The following TBC1D8 variants were observed in gnomAD, a reference collection of about 807,000 sequenced individuals.
The protein encoded by TBC1D8 is TBC1 domain family member 8.
A neutral mutation model predicts 118.8 loss-of-function variants in TBC1D8; 65 were observed. The ratio of observed to expected loss-of-function variants is 0.55; its 90% CI spans 0.45 to 0.67. The LOEUF is 0.67. TBC1D8 is among the 30% of genes least tolerant of loss of function. The pLI is 0.00. For synonymous variants in TBC1D8, 566 were observed against 595.8 expected (o/e 0.95, Z 0.73); for missense variants, 1,376 against 1,471.2 (o/e 0.94, Z 1.06).
intron 5 of TBC1D8, among the ~76,000 whole-genome samples, chr2:101,041,621 G>A (rs1681389919): frequency 6.6e-6 from 1 of 152,028 alleles, no homozygotes; most frequent in Non-Finnish European, 1.5e-5. Context: ...ATTGATTGTG[G>A]TGATGGTTGC....
At chr2:101,076,064 C>G (rs577676189) in intron 2 of TBC1D8, among the ~76,000 whole-genome samples, 16 of 152,226 alleles carry the variant, frequency 1.1e-4, no homozygotes, top group South Asian at 6.2e-4. Context: ...CTTGTCATCA[C>G]TGCAGATGAC....
In TBC1D8 at chr2:101,032,258, G is replaced by T. The variant is rs769345718; in HGVS notation, c.1936+10C>A. 7 of 1,611,514 alleles carry T rather than the reference G, an allele frequency of 4.3e-6. No homozygotes were observed. The highest frequency in any genetic ancestry group is 1.7e-5 in the Admixed American group (1 of 59,962). On this transcript the variant is annotated intron_variant, in intron 11 of 19. Transcript: ENST00000409318. Reference sequence around the variant, plus strand: ...CCAGATACACAGGAGGAGGAAGGGGGTCTGTTTACCGATCACTCGGTGGTT... The same window carrying T: ...CCAGATACACAGGAGGAGGAAGGGGTTCTGTTTACCGATCACTCGGTGGTT...
intron 2 of TBC1D8, among the ~76,000 whole-genome samples, chr2:101,089,827 C>T (rs1675898643): frequency 6.6e-6 from 1 of 150,994 alleles, no homozygotes; most frequent in South Asian, 2.1e-4. Flanking sequence ...GATTCGTTAT[C>T]GACAATATAC....
At chr2:101,066,846 G>A (rs1401353128) in intron 2 of TBC1D8, among the ~76,000 whole-genome samples, 1 of 151,580 alleles carries the variant, frequency 6.6e-6, no homozygotes, top group Non-Finnish European at 1.5e-5. Flanking sequence ...TCGAGAGGCT[G>A]AGGCAGGAGA....
At position 101,122,383 on chromosome 2, in the gene TBC1D8, C is replaced by CAAAAAAA. The variant is rs70943064; in HGVS notation, c.127+28737_127+28743dup. On this transcript the variant is annotated intron_variant, in intron 1 of 19. Coordinates refer to ENST00000409318, the MANE Select transcript of TBC1D8 (RefSeq NM_001330348.2). ...ACCGCGCCCGGCCAAGACTCCATTT[C>CAAAAAAA]AAAAAAAAAAAAAAAAAAAAAAAAA... Among the ~76,000 whole-genome samples, 100 of 71,928 alleles carry CAAAAAAA rather than the reference C, an allele frequency of 1.4e-3. 8 individuals are homozygous for CAAAAAAA. The highest frequency in any genetic ancestry group is 3.5e-3 in the African/African-American group (80 of 22,566). 47.2% of individuals were successfully genotyped at this position (71,928 alleles called of 152,430 possible).
rs1355192724 is a variant in TBC1D8 at position 101,099,663 on chromosome 2, A to G, written c.128-9299T>C. Among the ~76,000 whole-genome samples the G allele has an allele frequency of 2.0e-5, 3 of 152,230 alleles. No individual in the cohort carries two copies. In the East Asian group the frequency reaches 5.8e-4, roughly 29 times the overall value. ...CAGCACAGCAAAAAACATATCCACC[A>G]TGATCAAGTCAGGTTCATCCCTGGG... is the stretch of plus-strand genomic sequence containing the variant. On this transcript the variant is annotated intron_variant, in intron 1 of 19. Coordinates refer to ENST00000409318, the MANE Select transcript of TBC1D8 (RefSeq NM_001330348.2).
At chr2:101,040,845 T>C (rs1322890739) in intron 5 of TBC1D8, among the ~76,000 whole-genome samples, 1 of 152,276 alleles carries the variant, frequency 6.6e-6, no homozygotes, top group Admixed American at 6.5e-5. Context: ...TGTCCTGTGC[T>C]GGTGCACGTG....
chr2:101,142,625 A>G (rs1679156408), intron 1 of TBC1D8, among the ~76,000 whole-genome samples: 1 of 152,254 alleles, frequency 6.6e-6, no homozygotes, highest in African/African-American at 2.4e-5. Flanking sequence ...TGAGAAAAAC[A>G]TAATGCAGGG....
Position 101,011,433 on chromosome 2 carries a change from A to T in TBC1D8, c.2917+18T>A. 6.2e-7 allele frequency: 1 copy of T among 1,613,648 alleles called. No individual in the cohort carries two copies. Among genetic ancestry groups the T allele is most frequent in the Non-Finnish European group, 8.5e-7 (1 of 1,179,564 alleles). On this transcript the variant is annotated intron_variant, in intron 18 of 19. Transcript: ENST00000409318. The stretch of plus-strand genomic sequence containing the variant: ...CAGTGGTATGCAGGGGAAAGCAACA[A>T]TGAAAAGAGGTACGTGCCATTGGGT...
At chr2:101,103,084 T>C (rs1010006939) in intron 1 of TBC1D8, among the ~76,000 whole-genome samples, 10 of 151,978 alleles carry the variant, frequency 6.6e-5, no homozygotes, top group Admixed American at 2.0e-4. Context: ...TACAGACTAA[T>C]AGCTCTCAAG....
At chr2:101,058,364 C>T (rs542660218) in intron 3 of TBC1D8, among the ~76,000 whole-genome samples, 44 of 152,232 alleles carry the variant, frequency 2.9e-4, no homozygotes, top group Non-Finnish European at 4.6e-4. Flanking sequence ...TAGCACTTGA[C>T]GTATTAGAAA....
chr2:101,043,253 C>A (rs1314506730), intron 5 of TBC1D8, among the ~76,000 whole-genome samples: 2 of 152,166 alleles, frequency 1.3e-5, no homozygotes, highest in South Asian at 4.2e-4. Flanking sequence ...AGGAAAAGCA[C>A]CATAAACGCT....
Position 101,040,245 on chromosome 2 carries a change from G to C in TBC1D8, c.1013C>G (p.Ser338Cys), listed in dbSNP as rs775198232. The C allele has an allele frequency of 6.2e-6, 10 of 1,614,046 alleles. No homozygotes were observed. Among genetic ancestry groups the C allele is most frequent in the Non-Finnish European group, 8.5e-6 (10 of 1,179,902 alleles). ...GCTGGCAAAGCAGATGTAGCTGTCA[G>C]AGGCGAACATCCGCCCCGTGGTGTG... is the stretch of plus-strand genomic sequence containing the variant. ...RCHTTGRMFASDSYICFASRE... is the reference protein window; with the variant it reads ...RCHTTGRMFACDSYICFASRE... Residue 338 changes from serine (S) to cysteine (C), a missense_variant, in exon 6 of 20, where the codon TCT (serine) becomes TGT (cysteine). Coordinates refer to ENST00000409318, the MANE Select transcript of TBC1D8 (RefSeq NM_001330348.2).
In TBC1D8 at chr2:101,089,778, A is replaced by G. The variant is rs142656770; in HGVS notation, c.283+431T>C. The stretch of plus-strand genomic sequence containing the variant: ...ATTATGTGTATGCATCCAGGAGCAC[A>G]TTGGTAAGTCAGAAACAAGATTAAG... On this transcript the variant is annotated intron_variant, in intron 2 of 19. Coordinates refer to ENST00000409318, the MANE Select transcript of TBC1D8 (RefSeq NM_001330348.2). Among the ~76,000 whole-genome samples the G allele has an allele frequency of 8.0e-3, 1,218 of 152,236 alleles. 19 individuals are homozygous for G. Among genetic ancestry groups the G allele is most frequent in the African/African-American group, 0.027 (1,132 of 41,546 alleles).
chr2:101,054,386 G>T (rs1304541695), intron 3 of TBC1D8, 50 bp from the exon 4 acceptor site: 24 of 1,537,576 alleles, frequency 1.6e-5, no homozygotes. Context: ...CAATGGGAAG[G>T]CAGGGGGTGC....
Position 101,007,610 on chromosome 2 carries a change from C to A in TBC1D8, c.*211G>T. 1 of 559,744 alleles carries A rather than the reference C, an allele frequency of 1.8e-6. No individual in the cohort carries two copies. The highest frequency in any genetic ancestry group is 3.1e-6 in the Non-Finnish European group (1 of 319,710). 34.7% of individuals were successfully genotyped at this position (559,744 alleles called of 1,614,324 possible). A position where few individuals can be genotyped will look rare whatever the true frequency, so the allele number is the denominator to read the frequency against. On this transcript the variant is annotated 3_prime_UTR_variant, in exon 20 of 20. Coordinates refer to ENST00000409318, the MANE Select transcript of TBC1D8 (RefSeq NM_001330348.2). ...AAATTGTAAGTTGGCATCAAGGGAA[C>A]CAATGGATACCTTAGGGCACTGACA...
At chr2:101,096,620 A>C (rs1276827746) in intron 1 of TBC1D8, among the ~76,000 whole-genome samples, 5 of 152,070 alleles carry the variant, frequency 3.3e-5, no homozygotes, top group African/African-American at 1.2e-4. Flanking sequence ...GAGAGATGGA[A>C]ACTCTGAGGA....
chr2:101,069,304 A>G (rs1454725455), intron 2 of TBC1D8, among the ~76,000 whole-genome samples: 2 of 151,514 alleles, frequency 1.3e-5, no homozygotes, highest in Admixed American at 1.3e-4. Flanking sequence ...AAAAAAAAAA[A>G]GGCCAGGCAC....
intron 1 of TBC1D8, among the ~76,000 whole-genome samples, chr2:101,102,458 TAA>T (rs746167116): frequency 9.1e-5 from 12 of 131,710 alleles, no homozygotes; most frequent in African/African-American, 1.6e-4. Context: ...CATAAAAAGT[TAA>T]AAAAAAAAAA....
Sources: allele counts gnomAD v4.1 joint callset (sites outside exome capture counted in the v4.1 genomes callset), GRCh38; gene constraint gnomAD v4.1.1; transcripts MANE v1.5; gene names NCBI Gene and HGNC (gene_info 2026-07-23, HGNC 2026-07-21).